Variants in INTU observed in about 807,000 individuals in gnomAD.
INTU encodes the protein protein inturned.
INTU carries 68 observed loss-of-function variants against 100.5 expected under a neutral mutation model. The ratio of observed to expected loss-of-function variants is 0.68; its 90% CI spans 0.56 to 0.83. INTU has a LOEUF of 0.83. Ranked by LOEUF, INTU falls within the 40% of genes least tolerant of loss-of-function variation. The pLI, the probability that INTU is intolerant of heterozygous loss-of-function variation, is 0.00. For synonymous variants in INTU, 357 were observed against 395.7 expected, an observed-to-expected ratio of 0.90 and a Z score of 1.16; for missense variants, 1,071 against 1,114.7, an observed-to-expected ratio of 0.96 and a Z score of 0.56.
rs111288358 is a variant in INTU at position 127,704,793 on chromosome 4, G to A, written c.1566+503G>A. Reference sequence around the variant, plus strand: ...TTTGAAAGAGTGTATTTTTTATCCTGTGTTGAAAAGTCAGCTGGGCATGGT... The same window carrying A: ...TTTGAAAGAGTGTATTTTTTATCCTATGTTGAAAAGTCAGCTGGGCATGGT... On this transcript the variant is annotated intron_variant, in intron 10 of 15. Coordinates refer to ENST00000335251, the MANE Select transcript of INTU (RefSeq NM_015693.4). Among the ~76,000 whole-genome samples the A allele has an allele frequency of 8.8e-4, 134 of 151,760 alleles. 1 individual carries two copies. Among genetic ancestry groups the A allele is most frequent in the African/African-American group, 3.1e-3 (127 of 41,482 alleles).
At chr4:127,708,207 T>A (rs1216433359) in intron 12 of INTU, among the ~76,000 whole-genome samples, 1 of 152,184 alleles carries the variant, frequency 6.6e-6, no homozygotes, top group African/African-American at 2.4e-5. Context: ...AAAGGTTGAT[T>A]GAATACCTAC....
chr4:127,679,343 A>G (rs1729399656), intron 6 of INTU, among the ~76,000 whole-genome samples: 1 of 152,148 alleles, frequency 6.6e-6, no homozygotes, highest in Admixed American at 6.5e-5. Flanking sequence ...AATTGACCAC[A>G]TACTTGGAAG....
chr4:127,637,280 C>T (rs1194455280), intron 1 of INTU, among the ~76,000 whole-genome samples: 1 of 152,190 alleles, frequency 6.6e-6, no homozygotes, highest in African/African-American at 2.4e-5. Flanking sequence ...CTTTCTAAAA[C>T]ACAGTTCTAA....
intron 8 of INTU, among the ~76,000 whole-genome samples, chr4:127,696,610 A>AT (rs1034407319): frequency 2.7e-5 from 4 of 148,106 alleles, no homozygotes; most frequent in Non-Finnish European, 4.5e-5. Flanking sequence ...CGTTTTATTG[A>AT]TTTTTTTCAA....
chr4:127,632,988 G>T lies in INTU; in HGVS notation c.-47G>T, dbSNP rs1159004455. 1.9e-6 allele frequency: 3 copies of T among 1,580,312 alleles called. No homozygotes were observed. The highest frequency in any genetic ancestry group is 1.3e-5 in the African/African-American group (1 of 74,374). ...AACATGGCGGCCTTAGCAAGCTATA[G>T]CTGCGAGATTTGAATTACTCCACTC... On this transcript the variant is annotated 5_prime_UTR_variant, in exon 1 of 16. Coordinates refer to ENST00000335251, the MANE Select transcript of INTU (RefSeq NM_015693.4).
chr4:127,677,825 C>T (rs1482925652), intron 6 of INTU, among the ~76,000 whole-genome samples: 1 of 152,096 alleles, frequency 6.6e-6, no homozygotes, highest in Admixed American at 6.5e-5. Context: ...GAAATTCAAA[C>T]CAAAGGCAAA....
At position 127,643,576 on chromosome 4, in the gene INTU, T is replaced by G. The variant is rs1250792291; in HGVS notation, c.202T>G (p.Leu68Val). ...GCAGAAAAATGGAGAGCTGTTTTATTTGGAATTGAGTGAGGATGAAGAAGA... is the reference window on the plus strand; with the variant it reads ...GCAGAAAAATGGAGAGCTGTTTTATGTGGAATTGAGTGAGGATGAAGAAGA... Reference protein sequence around the residue: ...SVQKNGELFYLELSEDEEESL... With the variant: ...SVQKNGELFYVELSEDEEESL... Residue 68 changes from leucine (L) to valine (V), a missense_variant, in exon 2 of 16, where the codon TTG becomes GTG. By Grantham distance (32) the Leu-to-Val change is conservative (BLOSUM62 1). Coordinates refer to ENST00000335251, the MANE Select transcript of INTU (RefSeq NM_015693.4). 2 of 1,611,328 alleles carry G rather than the reference T, an allele frequency of 1.2e-6. No homozygotes were observed. The highest frequency in any genetic ancestry group is 8.5e-7 in the Non-Finnish European group (1 of 1,179,364).
chr4:127,681,090 A>G (rs1237868968), intron 6 of INTU, among the ~76,000 whole-genome samples: 6 of 152,094 alleles, frequency 3.9e-5, no homozygotes, highest in Non-Finnish European at 8.8e-5. Context: ...CCACTGCTCA[A>G]TGAAATAAAA....
At chr4:127,662,944 G>T (rs547325824) in intron 3 of INTU, among the ~76,000 whole-genome samples, 1 of 152,248 alleles carries the variant, frequency 6.6e-6, no homozygotes, top group African/African-American at 2.4e-5. Flanking sequence ...AACTTTGGTT[G>T]TGTGAAGTCA....
intron 9 of INTU, among the ~76,000 whole-genome samples, chr4:127,701,564 T>C (rs1560614546): frequency 1.3e-5 from 2 of 152,318 alleles, no homozygotes; most frequent in South Asian, 4.1e-4. Flanking sequence ...CCTTCTGTTT[T>C]ATACATACAT....
At position 127,687,724 on chromosome 4, in the gene INTU, A is replaced by G. The variant is rs1213623881; in HGVS notation, c.1306A>G (p.Asn436Asp). ...ENVPRLDHFF[N>D]LFFQRALQPA... ...TGTTCCTCGTTTGGATCATTTTTTT[A>G]ACTTGTTCTTTCAAAGAGCACTTCA... The change falls in exon 8 of 16, where the codon AAC becomes GAC. Residue 436 changes from asparagine (N) to aspartate (D), a missense_variant. Transcript: ENST00000335251. 5 of 1,613,040 alleles carry G rather than the reference A, an allele frequency of 3.1e-6. No homozygotes were observed. Among genetic ancestry groups the G allele is most frequent in the Non-Finnish European group, 4.2e-6 (5 of 1,179,356 alleles).
intron 8 of INTU, among the ~76,000 whole-genome samples, chr4:127,699,092 C>T (rs79998743): frequency 6.6e-6 from 1 of 152,032 alleles, no homozygotes; most frequent in Non-Finnish European, 1.5e-5. Context: ...AAAAAAGATT[C>T]TCTGGGAGGC....
chr4:127,684,512 C>G (rs1460083071), intron 7 of INTU, 26 bp downstream of exon 7: 2 of 1,279,800 alleles, frequency 1.6e-6, no homozygotes, highest in Non-Finnish European at 2.2e-6. Context: ...AATTGAATCT[C>G]AAGTTTTAAT....
chr4:127,662,720 T>G (rs1373506820), intron 3 of INTU, among the ~76,000 whole-genome samples: 1 of 152,146 alleles, frequency 6.6e-6, no homozygotes, highest in Non-Finnish European at 1.5e-5. Context: ...TCCATACCTG[T>G]GGAAAATGGC....
intron 5 of INTU, among the ~76,000 whole-genome samples, chr4:127,672,945 T>G (rs1244308979): frequency 2.0e-5 from 3 of 152,224 alleles, no homozygotes; most frequent in African/African-American, 7.2e-5. Flanking sequence ...TTGAATAGTT[T>G]CCACATAGGT....
chr4:127,681,901 C>T (rs1296877097), intron 6 of INTU, among the ~76,000 whole-genome samples: 210 of 151,930 alleles, frequency 1.4e-3, no homozygotes, highest in African/African-American at 4.8e-3. Context: ...TCAAACAAAT[C>T]TGCAAGAAAA....
intron 6 of INTU, among the ~76,000 whole-genome samples, chr4:127,678,437 G>A (rs1455252297): frequency 6.6e-6 from 1 of 152,104 alleles, no homozygotes; most frequent in Non-Finnish European, 1.5e-5. Context: ...AGAGACTGGG[G>A]GCCAATATTC....
intron 1 of INTU, among the ~76,000 whole-genome samples, chr4:127,641,071 T>G (rs1172327460): frequency 6.6e-6 from 1 of 151,930 alleles, no homozygotes; most frequent in Non-Finnish European, 1.5e-5. Flanking sequence ...TTTCAAGAGT[T>G]TCTCACATAT....
intron 2 of INTU, among the ~76,000 whole-genome samples, chr4:127,649,341 A>C (rs76339075): frequency 0.029 from 4,480 of 152,250 alleles, 190 homozygotes; most frequent in African/African-American, 0.097. Context: ...AAGGCTGTTC[A>C]TTACACGAAC....
Sources: allele counts gnomAD v4.1 joint callset (sites outside exome capture counted in the v4.1 genomes callset), GRCh38; gene constraint gnomAD v4.1.1; transcripts MANE v1.5; gene names NCBI Gene and HGNC (gene_info 2026-07-23, HGNC 2026-07-21).